Variants in SNX24 observed in about 807,000 individuals in gnomAD.
SNX24 encodes sorting nexin-24.
A neutral mutation model predicts 28.7 loss-of-function variants in SNX24; 22 were observed. The observed-to-expected ratio is 0.77, with a 90% CI of 0.55 to 1.10. The LOEUF is 1.10. SNX24 is among the 50% of genes least tolerant of loss of function. The probability of loss-of-function intolerance (pLI) is 0.00; values close to 1 mark genes in which losing one functional copy is unlikely to be tolerated. For missense variants in SNX24, 221 were observed against 201.1 expected, an observed-to-expected ratio of 1.10 and a Z score of -0.60; for synonymous variants, 69 against 71.5, an observed-to-expected ratio of 0.96 and a Z score of 0.18.
chr5:123,005,040 T>A lies in SNX24; in HGVS notation c.443-2642T>A, dbSNP rs113437170. Among the ~76,000 whole-genome samples the A allele has an allele frequency of 4.3e-3, 654 of 152,352 alleles. 6 individuals carry two copies. The highest frequency in any genetic ancestry group is 0.015 in the African/African-American group (622 of 41,572). ...ACATTGTAGTAAATCATGCATATGATGAAGCCAAAATCCACAGTTTAAAGT... is the reference window on the plus strand; with the variant it reads ...ACATTGTAGTAAATCATGCATATGAAGAAGCCAAAATCCACAGTTTAAAGT... On this transcript the variant is annotated intron_variant, in intron 6 of 6. Coordinates refer to ENST00000261369, the MANE Select transcript of SNX24 (RefSeq NM_014035.4).
At chr5:122,980,926 G>C (rs1360065733) in intron 3 of SNX24, among the ~76,000 whole-genome samples, 1 of 152,050 alleles carries the variant, frequency 6.6e-6, no homozygotes, top group Non-Finnish European at 1.5e-5. Context: ...GAAATTGCCG[G>C]TGCTCATGCT....
intron 1 of SNX24, among the ~76,000 whole-genome samples, chr5:122,916,642 C>G (rs961776438): frequency 6.6e-6 from 1 of 152,132 alleles, no homozygotes; most frequent in Non-Finnish European, 1.5e-5. Context: ...TACTTCCATA[C>G]CTGATGACAC....
intron 3 of SNX24, among the ~76,000 whole-genome samples, chr5:122,970,287 C>G (rs1441593382): frequency 6.6e-6 from 1 of 151,314 alleles, no homozygotes; most frequent in African/African-American, 2.4e-5. Flanking sequence ...ATTAAATGAA[C>G]TGCTCTATTT....
At chr5:122,861,246 A>G (rs1755448196) in intron 1 of SNX24, among the ~76,000 whole-genome samples, 1 of 152,124 alleles carries the variant, frequency 6.6e-6, no homozygotes, top group Admixed American at 6.5e-5. Flanking sequence ...AGGCTGAGGC[A>G]CAAGAATTGC....
chr5:122,953,205 A>C lies in SNX24; in HGVS notation c.249+7046A>C, dbSNP rs187157987. ...CTGTAACCTCCACCTCATGGGTTCAAGTGATTCTCCTGCCTCAGCCTCCCA... is the reference window on the plus strand; with the variant it reads ...CTGTAACCTCCACCTCATGGGTTCACGTGATTCTCCTGCCTCAGCCTCCCA... On this transcript the variant is annotated intron_variant, in intron 3 of 6. Coordinates refer to ENST00000261369, the MANE Select transcript of SNX24 (RefSeq NM_014035.4). Among the ~76,000 whole-genome samples the C allele has an allele frequency of 3.7e-3, 568 of 151,992 alleles. 3 individuals carry two copies. The highest frequency in any genetic ancestry group is 0.013 in the African/African-American group (545 of 41,448).
intron 3 of SNX24, among the ~76,000 whole-genome samples, chr5:122,978,255 A>G (rs1417009764): frequency 6.6e-6 from 1 of 152,244 alleles, no homozygotes; most frequent in African/African-American, 2.4e-5. Flanking sequence ...GTAAAGAATA[A>G]CAAGATTAGG....
Position 123,007,740 on chromosome 5 carries a change from G to A in SNX24, c.501G>A (p.Gln167=). Residue 167 remains glutamine (Q), a synonymous_variant, in exon 7 of 7, where the codon CAG becomes CAA. Coordinates refer to ENST00000261369, the MANE Select transcript of SNX24 (RefSeq NM_014035.4). ...VLHGIFYPHL[Q]PR ...ATGGGATATTTTACCCTCATCTACAGCCCAGGTAGAAATCCTACATGGCTA... is the reference window on the plus strand; with the variant it reads ...ATGGGATATTTTACCCTCATCTACAACCCAGGTAGAAATCCTACATGGCTA... 2 of 1,597,728 alleles carry A rather than the reference G, an allele frequency of 1.3e-6. No homozygotes were observed. The highest frequency in any genetic ancestry group is 1.7e-6 in the Non-Finnish European group (2 of 1,176,078).
chr5:123,012,247 A>G (rs185753898), downstream of SNX24, among the ~76,000 whole-genome samples: 1 of 152,328 alleles, frequency 6.6e-6, no homozygotes, highest in African/African-American at 2.4e-5. Context: ...ATGAGAACGG[A>G]CTAATACATA....
At chr5:122,970,862 C>T (rs1383260923) in intron 3 of SNX24, among the ~76,000 whole-genome samples, 2 of 152,188 alleles carry the variant, frequency 1.3e-5, no homozygotes, top group African/African-American at 2.4e-5. Context: ...CCTGTACCCT[C>T]CTCTTTTCTC....
At chr5:122,845,903 C>A (rs548929369) in intron 1 of SNX24, among the ~76,000 whole-genome samples, 1 of 152,116 alleles carries the variant, frequency 6.6e-6, no homozygotes, top group African/African-American at 2.4e-5. Context: ...GCGCCCCTAG[C>A]CCCTCGGGGT....
At chr5:122,934,118 G>T (rs1009344204) in intron 1 of SNX24, among the ~76,000 whole-genome samples, 1 of 151,950 alleles carries the variant, frequency 6.6e-6, no homozygotes, top group Non-Finnish European at 1.5e-5. Flanking sequence ...TTCCTGGCTC[G>T]CAGGCCCTCA....
intron 1 of SNX24, among the ~76,000 whole-genome samples, chr5:122,872,010 C>T (rs1039188784): frequency 4.6e-5 from 7 of 151,610 alleles, no homozygotes; most frequent in African/African-American, 1.7e-4. Context: ...ATACCAGGCA[C>T]AAAGAACTCA....
At chr5:122,854,376 CG>C (rs1223767781) in intron 1 of SNX24, among the ~76,000 whole-genome samples, 1 of 151,820 alleles carries the variant, frequency 6.6e-6, no homozygotes, top group East Asian at 1.9e-4. Context: ...GGCGTGGTGG[CG>C]GGTGCCTGTA....
intron 1 of SNX24, among the ~76,000 whole-genome samples, chr5:122,897,001 C>G (rs571983048): frequency 1.6e-4 from 24 of 152,310 alleles, no homozygotes; most frequent in African/African-American, 5.8e-4. Context: ...GTGTCAGTAA[C>G]TTAGAATTGA....
At chr5:122,878,499 A>G (rs909559458) in intron 1 of SNX24, among the ~76,000 whole-genome samples, 3 of 152,188 alleles carry the variant, frequency 2.0e-5, no homozygotes, top group Non-Finnish European at 4.4e-5. Context: ...CAGACCAAAG[A>G]CAGTGAGTAC....
At chr5:122,994,411 G>A (rs959895352) in intron 3 of SNX24, among the ~76,000 whole-genome samples, 8 of 152,168 alleles carry the variant, frequency 5.3e-5, no homozygotes, top group East Asian at 3.8e-4. Context: ...GGCATCTCAC[G>A]AAGGTTAGGG....
intron 1 of SNX24, among the ~76,000 whole-genome samples, chr5:122,855,111 G>A (rs1182079489): frequency 6.6e-6 from 1 of 150,472 alleles, no homozygotes; most frequent in Admixed American, 6.6e-5. Flanking sequence ...TCGCTCTGTT[G>A]CTCAGGCTGG....
At chr5:122,865,969 ATAT>A (rs748745517) in intron 1 of SNX24, among the ~76,000 whole-genome samples, 12 of 152,232 alleles carry the variant, frequency 7.9e-5, no homozygotes, top group African/African-American at 2.2e-4. Flanking sequence ...TAATACATAA[ATAT>A]TATGACATAA....
chr5:123,007,902 T>C lies in SNX24; in HGVS notation c.*153T>C. The C allele has an allele frequency of 1.4e-6, 2 of 1,441,508 alleles. No individual in the cohort carries two copies. The highest frequency in any genetic ancestry group is 2.9e-5 in the South Asian group (2 of 68,056). The allele number at this position is 1,441,508 out of a possible 1,614,324, so 89.3% of individuals were successfully genotyped here. A position where few individuals can be genotyped will look rare whatever the true frequency, so the allele number is the denominator to read the frequency against. On this transcript the variant is annotated 3_prime_UTR_variant, in exon 7 of 7. Transcript: ENST00000261369. ...CAGCTTAATTCAGGGCAGGGACATT[T>C]CCATTAGAATGGTGCTCTTAAAAAT...
Sources: allele counts gnomAD v4.1 joint callset (sites outside exome capture counted in the v4.1 genomes callset), GRCh38; gene constraint gnomAD v4.1.1; transcripts MANE v1.5; gene names NCBI Gene and HGNC (gene_info 2026-07-23, HGNC 2026-07-21).